ITGAM: variants seen among roughly 807,000 people sequenced by gnomAD.
The protein encoded by ITGAM is integrin alpha-M.
In ITGAM, 79 loss-of-function variants were observed where a neutral mutation model predicts 137.5. The observed-to-expected ratio is 0.57, with a 90% CI of 0.48 to 0.69. The LOEUF is 0.69. Among genes scored for constraint, ITGAM ranks in the 30% least tolerant of loss-of-function variants. The probability of loss-of-function intolerance (pLI) is 0.00; values close to 1 mark genes in which losing one functional copy is unlikely to be tolerated. For missense variants in ITGAM, 1,343 were observed against 1,483.5 expected (o/e 0.91, Z 1.56); for synonymous variants, 583 against 592.3 (o/e 0.98, Z 0.23).
At chr16:31,318,522 T>G (rs1369962386) in intron 14 of ITGAM, among the ~76,000 whole-genome samples, 2 of 152,114 alleles carry the variant, frequency 1.3e-5, no homozygotes, top group African/African-American at 2.4e-5. Context: ...TTTCGTATTT[T>G]TAGTAGAGAC....
chr16:31,311,612 A>G (rs1000918800), intron 14 of ITGAM, among the ~76,000 whole-genome samples: 6 of 152,140 alleles, frequency 3.9e-5, no homozygotes, highest in African/African-American at 9.7e-5. Context: ...TTAGAATGGC[A>G]ATCATTAAAA....
Position 31,331,746 on chromosome 16 carries a change from A to C in ITGAM, c.*39A>C. ...ACAGAGCTGCCTCTCGGTGGCCAGCAGGACTCTGCCCAGACCACACGTAGC... is the reference window on the plus strand; with the variant it reads ...ACAGAGCTGCCTCTCGGTGGCCAGCCGGACTCTGCCCAGACCACACGTAGC... On this transcript the variant is annotated 3_prime_UTR_variant, in exon 30 of 30. Coordinates refer to ENST00000544665, the MANE Select transcript of ITGAM (RefSeq NM_000632.4). 1 of 1,504,302 alleles carries C rather than the reference A, an allele frequency of 6.6e-7. No homozygotes were observed. The highest frequency in any genetic ancestry group is 9.1e-7 in the Non-Finnish European group (1 of 1,104,464). 93.2% of individuals were successfully genotyped at this position (1,504,302 alleles called of 1,614,324 possible).
Position 31,321,286 on chromosome 16 carries a change from C to A in ITGAM, c.1753C>A (p.Gln585Lys). 1 of 1,613,974 alleles carries A rather than the reference C, an allele frequency of 6.2e-7. No individual in the cohort carries two copies. Among genetic ancestry groups the A allele is most frequent in the South Asian group, 1.1e-5 (1 of 91,064 alleles). ...KLSPRLQYFG[Q>K]SLSGGQDLTM... ...CTCTCCCAGGCTCCAGTATTTTGGT[C>A]AGTCACTGAGTGGGGGCCAGGACCT... The change falls in exon 15 of 30, where the codon CAG becomes AAG. Residue 585 changes from glutamine to lysine, a missense_variant. Physicochemically the swap from Gln to Lys is moderately conservative, Grantham distance 53. Coordinates refer to ENST00000544665, the MANE Select transcript of ITGAM (RefSeq NM_000632.4).
intron 12 of ITGAM, among the ~76,000 whole-genome samples, chr16:31,296,061 A>C (rs2080129674): frequency 6.6e-6 from 1 of 151,068 alleles, no homozygotes; most frequent in Non-Finnish European, 1.5e-5. Context: ...TGCATCTCGC[A>C]TCCCAGGGAT....
intron 5 of ITGAM, among the ~76,000 whole-genome samples, chr16:31,268,579 C>T (rs991537377): frequency 1.2e-4 from 18 of 152,156 alleles, no homozygotes; most frequent in African/African-American, 3.9e-4. Context: ...GCTGGGGTTA[C>T]AGGCATGAGC....
intron 12 of ITGAM, among the ~76,000 whole-genome samples, chr16:31,288,658 G>A (rs1378508431): frequency 6.6e-6 from 1 of 152,132 alleles, no homozygotes; most frequent in Non-Finnish European, 1.5e-5. Context: ...AAAAACCCTA[G>A]AAGGAAACCT....
Position 31,325,309 on chromosome 16 carries a change from G to A in ITGAM, c.2410G>A (p.Val804Met), listed in dbSNP as rs1443032239. ...VGGPREFNVT[V>M]TVRNDGEDSY... Reference sequence around the variant, plus strand: ...TGGGCCCCGGGAGTTCAACGTGACAGTGACTGTGAGAAATGATGGTGAGGA... The same window carrying A: ...TGGGCCCCGGGAGTTCAACGTGACAATGACTGTGAGAAATGATGGTGAGGA... The change falls in exon 20 of 30, where the codon GTG becomes ATG. Residue 804 changes from valine to methionine, a missense_variant. Coordinates refer to ENST00000544665, the MANE Select transcript of ITGAM (RefSeq NM_000632.4). 1 of 1,613,862 alleles carries A rather than the reference G, an allele frequency of 6.2e-7. No homozygotes were observed. The highest frequency in any genetic ancestry group is 1.3e-5 in the African/African-American group (1 of 74,938).
chr16:31,322,856 T>C (rs954902663), intron 16 of ITGAM, among the ~76,000 whole-genome samples: 1 of 152,234 alleles, frequency 6.6e-6, no homozygotes, highest in Non-Finnish European at 1.5e-5. Flanking sequence ...AATAGATTTA[T>C]AGCAGATTAG....
intron 14 of ITGAM, among the ~76,000 whole-genome samples, chr16:31,307,541 T>C (rs1431735403): frequency 1.3e-5 from 2 of 152,182 alleles, no homozygotes; most frequent in Non-Finnish European, 2.9e-5. Context: ...CTTAAGGAGA[T>C]TTTGGGCTGA....
chr16:31,307,022 C>A (rs958533395), intron 14 of ITGAM, among the ~76,000 whole-genome samples: 1 of 152,088 alleles, frequency 6.6e-6, no homozygotes, highest in African/African-American at 2.4e-5. Flanking sequence ...AAGAAAAGAC[C>A]AGTACCATGC....
At chr16:31,270,730 TATATATATATATA>T (rs1161597716) in intron 5 of ITGAM, among the ~76,000 whole-genome samples, 1 of 112,138 alleles carries the variant, frequency 8.9e-6, no homozygotes, top group African/African-American at 3.8e-5. Flanking sequence ...TATATATATA[TATATATATATATA>T]TGTTTTTAAC....
intron 14 of ITGAM, among the ~76,000 whole-genome samples, chr16:31,302,676 A>T (rs1005403834): frequency 4.6e-5 from 7 of 151,030 alleles, no homozygotes; most frequent in Non-Finnish European, 1.0e-4. Context: ...CTGAGATGAC[A>T]GGCGCCCGCC....
chr16:31,310,847 T>A (rs867620644), intron 14 of ITGAM, among the ~76,000 whole-genome samples: 2 of 152,142 alleles, frequency 1.3e-5, no homozygotes, highest in African/African-American at 4.8e-5. Context: ...TGGTCTTTGA[T>A]GATGGTGACG....
At chr16:31,279,216 A>T (rs2079942406) in intron 12 of ITGAM, among the ~76,000 whole-genome samples, 2 of 152,178 alleles carry the variant, frequency 1.3e-5, no homozygotes, top group South Asian at 4.1e-4. Context: ...GTGTGCCTTT[A>T]TAGCAGCATG....
At chr16:31,306,837 C>A (rs1432407396) in intron 14 of ITGAM, among the ~76,000 whole-genome samples, 1 of 152,088 alleles carries the variant, frequency 6.6e-6, no homozygotes, top group African/African-American at 2.4e-5. Flanking sequence ...ACTTTTAAAT[C>A]ATGTTTAACA....
intron 28 of ITGAM, 42 bp downstream of exon 28, chr16:31,330,647 G>A: frequency 1.4e-6 from 2 of 1,424,222 alleles, no homozygotes; most frequent in African/African-American, 1.4e-5. Flanking sequence ...AGGGAGAGGG[G>A]CTGCGCTTGT....
chr16:31,325,456 G>A (rs757807599), intron 20 of ITGAM, 44 bp from the exon 21 acceptor site: 2 of 1,613,008 alleles, frequency 1.2e-6, no homozygotes, highest in South Asian at 2.2e-5. Flanking sequence ...CCATCCTCAC[G>A]GCCGGAGGTG....
chr16:31,260,039 C>T lies in ITGAM; in HGVS notation c.-26C>T, dbSNP rs762230968. The T allele has an allele frequency of 6.5e-7, 1 of 1,544,054 alleles. No individual in the cohort carries two copies. The highest frequency in any genetic ancestry group is 8.8e-7 in the Non-Finnish European group (1 of 1,140,622). On this transcript the variant is annotated 5_prime_UTR_variant, in exon 1 of 30. Transcript: ENST00000544665. ...GTGCCTGCAACCCCTGGTTCACCTC[C>T]TTCCAGGTTCTGGCTCCTTCCAGCC...
At chr16:31,318,975 G>A (rs1470626959) in intron 14 of ITGAM, among the ~76,000 whole-genome samples, 2 of 151,730 alleles carry the variant, frequency 1.3e-5, no homozygotes, top group East Asian at 3.9e-4. Context: ...GTTGTTCAAT[G>A]GTGTATTGTT....
Sources: gnomAD v4.1 joint callset for allele counts (sites outside exome capture counted in the v4.1 genomes callset) on GRCh38, gnomAD v4.1.1 for gene constraint, MANE v1.5 for transcripts, NCBI Gene and HGNC (gene_info 2026-07-23, HGNC 2026-07-21) for gene names.